SLC37A3: variants seen among roughly 807,000 people sequenced by gnomAD.
SLC37A3 encodes sugar phosphate exchanger 3.
SLC37A3 carries 51 observed loss-of-function variants against 67.1 expected under a neutral mutation model. The observed-to-expected ratio is 0.76, with a 90% CI of 0.61 to 0.96. The LOEUF is 0.96. Among genes scored for constraint, SLC37A3 ranks in the 40% least tolerant of loss-of-function variants. The pLI, the probability that SLC37A3 is intolerant of heterozygous loss-of-function variation, is 0.00. For synonymous variants in SLC37A3, 214 were observed against 231.4 expected, an observed-to-expected ratio of 0.92 and a Z score of 0.68; for missense variants, 508 against 603.0, an observed-to-expected ratio of 0.84 and a Z score of 1.65.
chr7:140,351,851 A>C (rs1410672943), intron 8 of SLC37A3: 6 of 653,414 alleles, frequency 9.2e-6, no homozygotes, highest in African/African-American at 1.8e-5. Flanking sequence ...TATCTATAAA[A>C]GACGTGCATC....
chr7:140,393,615 C>T (rs1798805886), intron 1 of SLC37A3, among the ~76,000 whole-genome samples: 1 of 152,196 alleles, frequency 6.6e-6, no homozygotes, highest in South Asian at 2.1e-4. Flanking sequence ...TGGCTTGCTC[C>T]TTCCTTTTCT....
At chr7:140,347,225 G>A (rs576863341) in intron 10 of SLC37A3, among the ~76,000 whole-genome samples, 4 of 136,722 alleles carry the variant, frequency 2.9e-5, no homozygotes, top group East Asian at 4.1e-4. Context: ...CAGCGTGGGC[G>A]ACAGAGCAGT....
chr7:140,350,325 T>C (rs1796741389), intron 9 of SLC37A3, among the ~76,000 whole-genome samples: 1 of 152,166 alleles, frequency 6.6e-6, no homozygotes, highest in African/African-American at 2.4e-5. Flanking sequence ...ACTCCAGTGC[T>C]AGAGTGCCCG....
chr7:140,333,900 G>A lies in SLC37A3; in HGVS notation c.*1512C>T, dbSNP rs548129613. 2.0e-5 allele frequency: 3 copies of A among 152,692 alleles called. No individual in the cohort carries two copies. The highest frequency in any genetic ancestry group is 2.1e-4 in the South Asian group (1 of 4,828). The allele number at this position is 152,692 out of a possible 1,614,324, so 9.5% of individuals were successfully genotyped here. On this transcript the variant is annotated 3_prime_UTR_variant, in exon 15 of 15. Transcript: ENST00000326232. ...CACCCCATATCAGAGTATAAAGCAA[G>A]AGGTTGAAAAATATCCCCTAACCGA...
At chr7:140,374,179 G>A (rs1289337607) in intron 3 of SLC37A3, among the ~76,000 whole-genome samples, 3 of 152,100 alleles carry the variant, frequency 2.0e-5, no homozygotes, top group Admixed American at 6.6e-5. Flanking sequence ...TGGCATTTCT[G>A]AGATGGGTTG....
intron 1 of SLC37A3, among the ~76,000 whole-genome samples, 175 bp from the exon 2 acceptor site, chr7:140,382,771 TA>T (rs201844351): frequency 0.04 from 5,514 of 136,640 alleles, 306 homozygotes; most frequent in African/African-American, 0.13. Context: ...AGGTAGTTCT[TA>T]AAAAAAAAAA....
intron 4 of SLC37A3, among the ~76,000 whole-genome samples, chr7:140,366,727 C>T (rs1797616095): frequency 6.6e-6 from 1 of 152,150 alleles, no homozygotes; most frequent in Non-Finnish European, 1.5e-5. Context: ...CGTGCCTCTA[C>T]ATGGGGATTT....
chr7:140,349,776 A>G (rs1271233185), intron 9 of SLC37A3, among the ~76,000 whole-genome samples: 1 of 152,208 alleles, frequency 6.6e-6, no homozygotes, highest in East Asian at 1.9e-4. Flanking sequence ...ATGTCAGAGA[A>G]CAATAGCTTG....
At chr7:140,345,833 G>T in intron 11 of SLC37A3, 36 bp downstream of exon 11, 1 of 1,495,558 alleles carries the variant, frequency 6.7e-7, no homozygotes, top group Non-Finnish European at 9.3e-7. Flanking sequence ...CAGATTAGGG[G>T]AGCAAAGGAA....
intron 1 of SLC37A3, among the ~76,000 whole-genome samples, chr7:140,383,385 C>T (rs1244082148): frequency 6.6e-6 from 1 of 152,100 alleles, no homozygotes; most frequent in Non-Finnish European, 1.5e-5. Context: ...ACAGGAAGAT[C>T]CCTTGAGTCC....
chr7:140,391,926 C>T (rs1348253585), intron 1 of SLC37A3, among the ~76,000 whole-genome samples: 1 of 152,208 alleles, frequency 6.6e-6, no homozygotes, highest in East Asian at 1.9e-4. Flanking sequence ...CTCTTGCTGA[C>T]CTGCCTGTTG....
chr7:140,361,360 T>G (rs1050751910), intron 5 of SLC37A3, among the ~76,000 whole-genome samples: 9 of 151,954 alleles, frequency 5.9e-5, no homozygotes, highest in Non-Finnish European at 1.5e-5. Context: ...TGCATGCTTG[T>G]AATCCCAGCT....
In SLC37A3 at chr7:140,382,067, TA is replaced by T. The variant is rs532801045; in HGVS notation, c.89+370del. ...TTTTTAAAAAAAAAAAAGTACAAAA[TA>T]AAAAAAAAAATAGATCAGGGCTTCT... On this transcript the variant is annotated intron_variant, in intron 2 of 14. Transcript: ENST00000326232. Among the ~76,000 whole-genome samples, 67 of 109,884 alleles carry T rather than the reference TA, an allele frequency of 6.1e-4. 1 individual carries two copies. Among genetic ancestry groups the T allele is most frequent in the South Asian group, 2.2e-3 (8 of 3,638 alleles). 72.1% of individuals were successfully genotyped at this position (109,884 alleles called of 152,430 possible).
chr7:140,377,810 C>T (rs747473494), intron 3 of SLC37A3, among the ~76,000 whole-genome samples: 1 of 152,092 alleles, frequency 6.6e-6, no homozygotes, highest in Non-Finnish European at 1.5e-5. Flanking sequence ...GCAGGAGGAT[C>T]GTTTGAGCCC....
intron 5 of SLC37A3, among the ~76,000 whole-genome samples, chr7:140,362,910 G>T (rs1186636584): frequency 1.7e-5 from 1 of 58,730 alleles, no homozygotes; most frequent in Admixed American, 1.5e-4. Flanking sequence ...GCGGGGGGGG[G>T]GGTCGGCCAG....
intron 12 of SLC37A3, 186 bp from the exon 13 acceptor site, chr7:140,343,749 C>G: frequency 1.7e-6 from 1 of 591,294 alleles, no homozygotes; most frequent in East Asian, 3.1e-5. Flanking sequence ...GAAATCCCTT[C>G]TCGAATTATG....
rs1293373485 is a variant in SLC37A3, at chr7:140,343,700, A to G, written c.1175-137T>C. 6.0e-6 allele frequency: 5 copies of G among 829,630 alleles called. No individual in the cohort carries two copies. The African/African-American group carries it at 8.7e-5, about 14-fold the overall frequency. 51.4% of individuals were successfully genotyped at this position (829,630 alleles called of 1,614,324 possible). ...AAAAAAAAGGAAACCCCCAGATAGT[A>G]TCATTTTCAAACTATTAGTAGTTAA... On this transcript the variant is annotated intron_variant, in intron 12 of 14. Coordinates refer to ENST00000326232, the MANE Select transcript of SLC37A3 (RefSeq NM_207113.3).
intron 4 of SLC37A3, among the ~76,000 whole-genome samples, chr7:140,366,603 G>A (rs1797611702): frequency 6.6e-6 from 1 of 151,964 alleles, no homozygotes; most frequent in Admixed American, 6.6e-5. Context: ...ATTCTACTTC[G>A]CAACCAAGTT....
intron 12 of SLC37A3, chr7:140,343,845 T>C: frequency 2.9e-6 from 1 of 348,278 alleles, no homozygotes; most frequent in Non-Finnish European, 5.3e-6. Context: ...TTTACATTCA[T>C]TAATAACTAA....
Sources: gnomAD v4.1 joint callset for allele counts (sites outside exome capture counted in the v4.1 genomes callset) on GRCh38, gnomAD v4.1.1 for gene constraint, MANE v1.5 for transcripts, NCBI Gene and HGNC (gene_info 2026-07-23, HGNC 2026-07-21) for gene names.